BTBD10: variants seen among roughly 807,000 people sequenced by gnomAD.
BTBD10 encodes BTB/POZ domain-containing protein 10.
A neutral mutation model predicts 53.2 loss-of-function variants in BTBD10; 21 were observed. The ratio of observed to expected loss-of-function variants is 0.39; its 90% CI spans 0.28 to 0.57. BTBD10 has a LOEUF of 0.57. Ranked by LOEUF, BTBD10 falls within the 20% of genes least tolerant of loss-of-function variation. The probability of loss-of-function intolerance (pLI) is 0.53; values close to 1 mark genes in which losing one functional copy is unlikely to be tolerated. For missense variants in BTBD10, 360 were observed against 594.7 expected (o/e 0.61, Z 4.10); for synonymous variants, 149 against 192.7 (o/e 0.77, Z 1.88).
intron 8 of BTBD10, among the ~76,000 whole-genome samples, chr11:13,389,613 AGGG>A (rs576888964): frequency 6.6e-6 from 1 of 152,018 alleles, no homozygotes; most frequent in Non-Finnish European, 1.5e-5. Context: ...TTTTTAGTAG[AGGG>A]GGGGTTTCAC....
At chr11:13,402,674 T>A (rs1352781345) in intron 8 of BTBD10, among the ~76,000 whole-genome samples, 2 of 152,194 alleles carry the variant, frequency 1.3e-5, no homozygotes, top group Non-Finnish European at 2.9e-5. Context: ...TGCATTTACA[T>A]AAGATGAAAG....
intron 6 of BTBD10, among the ~76,000 whole-genome samples, chr11:13,406,838 T>C (rs1949844133): frequency 7.7e-6 from 1 of 130,496 alleles, no homozygotes; most frequent in Non-Finnish European, 1.7e-5. Context: ...TAATCTACAT[T>C]AATATTACTT....
intron 8 of BTBD10, 56 bp from the exon 9 acceptor site, chr11:13,389,197 A>G (rs1949340520): frequency 6.7e-7 from 1 of 1,486,042 alleles, no homozygotes; most frequent in African/African-American, 1.4e-5. Context: ...CTCTCACCCA[A>G]TTTCGCCTTA....
At chr11:13,434,881 T>C (rs1039827845) in intron 2 of BTBD10, among the ~76,000 whole-genome samples, 2 of 151,966 alleles carry the variant, frequency 1.3e-5, no homozygotes, top group African/African-American at 4.8e-5. Context: ...ATGTAGGAGG[T>C]GAGAGAAAAA....
intron 8 of BTBD10, 110 bp from the exon 9 acceptor site, chr11:13,389,251 AAAG>A: frequency 3.5e-6 from 3 of 858,164 alleles, no homozygotes; most frequent in East Asian, 5.2e-5. Flanking sequence ...AATTTAAAAC[AAAG>A]AAGTGAAAAC....
chr11:13,393,763 T>A (rs1375285538), intron 8 of BTBD10, among the ~76,000 whole-genome samples: 2 of 152,204 alleles, frequency 1.3e-5, no homozygotes, highest in Non-Finnish European at 2.9e-5. Context: ...TTTTTAATTT[T>A]AAATTTTTAA....
At chr11:13,401,144 T>C (rs1018604925) in intron 8 of BTBD10, among the ~76,000 whole-genome samples, 2 of 150,012 alleles carry the variant, frequency 1.3e-5, no homozygotes, top group Non-Finnish European at 3.0e-5. Context: ...TATTACATTA[T>C]ATATATATAC....
chr11:13,404,712 A>G (rs1477701125), intron 7 of BTBD10: 1 of 538,282 alleles, frequency 1.9e-6, no homozygotes, highest in East Asian at 1.5e-4. Flanking sequence ...AGGAATCACA[A>G]CACTCATTTA....
intron 8 of BTBD10, among the ~76,000 whole-genome samples, chr11:13,400,583 A>T (rs1017894600): frequency 3.3e-5 from 5 of 152,208 alleles, no homozygotes; most frequent in Non-Finnish European, 7.3e-5. Flanking sequence ...CTCCCCAGTG[A>T]GATGAACCTG....
chr11:13,440,022 T>C (rs755393064), intron 2 of BTBD10: 28 of 1,533,840 alleles, frequency 1.8e-5, no homozygotes, highest in South Asian at 1.5e-4. Context: ...TAGGAAACTT[T>C]AGCACATCTG....
At chr11:13,457,255 T>G (rs1356871602) in intron 1 of BTBD10, among the ~76,000 whole-genome samples, 4 of 152,168 alleles carry the variant, frequency 2.6e-5, no homozygotes, top group African/African-American at 9.7e-5. Context: ...CCAACAATAC[T>G]ACACATACAC....
At chr11:13,445,616 GTTA>G (rs1950738105) in intron 1 of BTBD10, among the ~76,000 whole-genome samples, 1 of 152,012 alleles carries the variant, frequency 6.6e-6, no homozygotes, top group African/African-American at 2.4e-5. Context: ...AATAACCAAT[GTTA>G]TTATTTCTTT....
chr11:13,429,861 T>G (rs1402842156), intron 2 of BTBD10, among the ~76,000 whole-genome samples: 2 of 152,134 alleles, frequency 1.3e-5, no homozygotes, highest in African/African-American at 4.8e-5. Flanking sequence ...CCCAGCACCT[T>G]GCGAGGTTGA....
chr11:13,391,614 C>T (rs1425686310), intron 8 of BTBD10, among the ~76,000 whole-genome samples: 1 of 152,150 alleles, frequency 6.6e-6, no homozygotes, highest in East Asian at 1.9e-4. Flanking sequence ...AATGAACTAC[C>T]AGGATATGCC....
At chr11:13,421,860 T>C (rs1255413470) in intron 2 of BTBD10, 22 bp from the exon 3 acceptor site, 10 of 1,568,664 alleles carry the variant, frequency 6.4e-6, no homozygotes, top group Non-Finnish European at 8.7e-6. Context: ...GAAAGGAAAA[T>C]TAACCATAAA....
chr11:13,429,410 T>C (rs1226642456), intron 2 of BTBD10, among the ~76,000 whole-genome samples: 1 of 152,118 alleles, frequency 6.6e-6, no homozygotes, highest in East Asian at 1.9e-4. Context: ...ACTGTAGTAA[T>C]GAGTAAAGTG....
chr11:13,407,548 C>G (rs1252501320), intron 6 of BTBD10, among the ~76,000 whole-genome samples: 2 of 152,136 alleles, frequency 1.3e-5, no homozygotes, highest in Admixed American at 6.6e-5. Context: ...ATGAATAAAT[C>G]CTGGATTTCT....
At chr11:13,396,734 A>G (rs1949561178) in intron 8 of BTBD10, among the ~76,000 whole-genome samples, 1 of 150,956 alleles carries the variant, frequency 6.6e-6, no homozygotes, top group Admixed American at 6.6e-5. Context: ...TAATTTATTG[A>G]GAGTTTTTAG....
chr11:13,419,804 T>C, intron 3 of BTBD10, 59 bp from the exon 4 acceptor site: 1 of 1,338,752 alleles, frequency 7.5e-7, no homozygotes, highest in East Asian at 2.4e-5. Flanking sequence ...TCAAGATTTA[T>C]ATATATCTTT....
Sources: allele counts gnomAD v4.1 joint callset (sites outside exome capture counted in the v4.1 genomes callset), GRCh38; gene constraint gnomAD v4.1.1; transcripts MANE v1.5; gene names NCBI Gene and HGNC (gene_info 2026-07-23, HGNC 2026-07-21).